Variants in MARCHF1 observed in about 807,000 individuals in gnomAD.
The protein encoded by MARCHF1 is E3 ubiquitin-protein ligase MARCHF1.
MARCHF1 carries 40 observed loss-of-function variants against 54.2 expected under a neutral mutation model. The observed-to-expected ratio is 0.74, with a 90% confidence interval of 0.57 to 0.96. The LOEUF (loss-of-function observed/expected upper bound fraction) is 0.96, where lower values mean the gene tolerates loss of function less well. Among genes scored for constraint, MARCHF1 ranks in the 40% least tolerant of loss-of-function variants. MARCHF1 has a pLI of 0.00. For synonymous variants in MARCHF1, 236 were observed against 236.3 expected (o/e 1.00, Z 0.01); for missense variants, 586 against 656.5 (o/e 0.89, Z 1.17).
chr4:163,914,091 G>GT (rs1553962999), intron 3 of MARCHF1, among the ~76,000 whole-genome samples: 81,961 of 151,728 alleles, frequency 0.54, 23,174 homozygotes, highest in Middle Eastern at 0.68. Context: ...GAAAAATTGT[G>GT]TTTTTTTCCA....
chr4:163,868,449 T>C (rs1209998732), intron 3 of MARCHF1, among the ~76,000 whole-genome samples: 1 of 151,964 alleles, frequency 6.6e-6, no homozygotes, highest in African/African-American at 2.4e-5. Context: ...ATAAGATATA[T>C]TGTGGAAAAT....
intron 6 of MARCHF1, 123 bp downstream of exon 6, chr4:163,613,191 C>A: frequency 7.9e-7 from 1 of 1,259,352 alleles, no homozygotes; most frequent in South Asian, 1.7e-5. Context: ...AAAAAATAGC[C>A]AGTATAAATT....
At chr4:164,182,385 A>T (rs149637600) in intron 1 of MARCHF1, among the ~76,000 whole-genome samples, 5 of 152,172 alleles carry the variant, frequency 3.3e-5, no homozygotes, top group African/African-American at 7.2e-5. Context: ...AAAAGCAAGA[A>T]TTGTACAGAA....
chr4:164,230,755 T>C (rs1391249611), intron 1 of MARCHF1, among the ~76,000 whole-genome samples: 6 of 152,164 alleles, frequency 3.9e-5, no homozygotes, highest in South Asian at 2.1e-4. Context: ...CTGAGTTGTT[T>C]TGAGTTACTA....
rs576160967 is a variant in MARCHF1, at chr4:163,832,761, T to C, written c.111+21260A>G. Among the ~76,000 whole-genome samples, 234 of 108,682 alleles carry C rather than the reference T, an allele frequency of 2.2e-3. 2 individuals are homozygous for C. Among genetic ancestry groups the C allele is most frequent in the African/African-American group, 7.9e-3 (226 of 28,440 alleles). 71.3% of individuals were successfully genotyped at this position (108,682 alleles called of 152,430 possible). A position where few individuals can be genotyped will look rare whatever the true frequency, so the allele number is the denominator to read the frequency against. On this transcript the variant is annotated intron_variant, in intron 4 of 9. Transcript: ENST00000514618. ...CCCCTCCCCCAACCCCACAACAGTCTCCAGTGTGTGATGTTCCCCTTCCTG... is the reference window on the plus strand; with the variant it reads ...CCCCTCCCCCAACCCCACAACAGTCCCCAGTGTGTGATGTTCCCCTTCCTG...
At chr4:163,677,663 T>G (rs999543147) in intron 5 of MARCHF1, among the ~76,000 whole-genome samples, 1 of 152,234 alleles carries the variant, frequency 6.6e-6, no homozygotes, top group South Asian at 2.1e-4. Context: ...CTTTACATCA[T>G]GTGATATTAT....
chr4:164,005,998 A>C (rs1753278394), intron 2 of MARCHF1, among the ~76,000 whole-genome samples: 1 of 152,222 alleles, frequency 6.6e-6, no homozygotes, highest in African/African-American at 2.4e-5. Context: ...ACAAGCTAAT[A>C]ATAGAAAACT....
At chr4:164,312,703 A>G (rs953991570) in intron 1 of MARCHF1, among the ~76,000 whole-genome samples, 1 of 152,218 alleles carries the variant, frequency 6.6e-6, no homozygotes, top group South Asian at 2.1e-4. Context: ...AGAAGTTCTT[A>G]GTCTCATATC....
At chr4:164,109,928 A>AAAAAAAAAAAAAAAAAAC (rs1755797981) in intron 2 of MARCHF1, among the ~76,000 whole-genome samples, 1 of 149,630 alleles carries the variant, frequency 6.7e-6, no homozygotes, top group African/African-American at 2.4e-5. Flanking sequence ...AAAAAAAAAA[A>AAAAAAAAAAAAAAAAAAC]AAAAAAAAGA....
intron 1 of MARCHF1, among the ~76,000 whole-genome samples, chr4:164,171,080 AT>A (rs1325082049): frequency 6.6e-6 from 1 of 152,316 alleles, no homozygotes; most frequent in East Asian, 1.9e-4. Flanking sequence ...TTAAATATTC[AT>A]TTTTTATCAT....
chr4:164,368,773 C>T (rs988855809), intron 1 of MARCHF1, among the ~76,000 whole-genome samples: 2 of 152,126 alleles, frequency 1.3e-5, no homozygotes, highest in Admixed American at 1.3e-4. Context: ...ATAAATATGA[C>T]TTCCACAGTA....
intron 5 of MARCHF1, among the ~76,000 whole-genome samples, chr4:163,628,209 A>C (rs1741940594): frequency 6.6e-6 from 1 of 152,248 alleles, no homozygotes; most frequent in African/African-American, 2.4e-5. Flanking sequence ...GTAATTCAAT[A>C]ATAAACAGAC....
intron 1 of MARCHF1, among the ~76,000 whole-genome samples, chr4:164,274,697 G>T (rs34849484): frequency 3.6e-4 from 15 of 41,592 alleles, no homozygotes; most frequent in South Asian, 2.0e-3. Context: ...TTTTTTTTTA[G>T]ACGGAGTCTC....
chr4:163,631,994 A>C (rs927367095), intron 5 of MARCHF1, among the ~76,000 whole-genome samples: 1 of 152,214 alleles, frequency 6.6e-6, no homozygotes, highest in African/African-American at 2.4e-5. Context: ...AAGATGTTGA[A>C]CATCACTAAT....
At chr4:163,840,754 T>C (rs1007626107) in intron 4 of MARCHF1, among the ~76,000 whole-genome samples, 6 of 152,034 alleles carry the variant, frequency 3.9e-5, no homozygotes, top group African/African-American at 1.2e-4. Flanking sequence ...TTGCTAAGAA[T>C]TGACCTTAAG....
At chr4:164,218,088 G>A (rs1037505622) in intron 1 of MARCHF1, among the ~76,000 whole-genome samples, 13 of 151,708 alleles carry the variant, frequency 8.6e-5, no homozygotes, top group South Asian at 2.1e-4. Flanking sequence ...TTTAGACAAC[G>A]TGCTAAATTT....
At chr4:163,974,867 G>A (rs1375529334) in intron 3 of MARCHF1, among the ~76,000 whole-genome samples, 1 of 152,110 alleles carries the variant, frequency 6.6e-6, no homozygotes, top group Non-Finnish European at 1.5e-5. Flanking sequence ...ACAATTAAAT[G>A]GGTAAACTGA....
At chr4:163,561,311 A>G (rs1739460338) in intron 8 of MARCHF1, among the ~76,000 whole-genome samples, 1 of 152,148 alleles carries the variant, frequency 6.6e-6, no homozygotes. Context: ...CCTTCTTCTA[A>G]AAGTATAATT....
chr4:164,286,353 C>T (rs1314394580), intron 1 of MARCHF1, among the ~76,000 whole-genome samples: 1 of 152,054 alleles, frequency 6.6e-6, no homozygotes, highest in East Asian at 1.9e-4. Flanking sequence ...ATTTTTAAAT[C>T]AATTCTCAAC....
Sources: allele counts gnomAD v4.1 joint callset (sites outside exome capture counted in the v4.1 genomes callset), GRCh38; gene constraint gnomAD v4.1.1; transcripts MANE v1.5; gene names NCBI Gene and HGNC (gene_info 2026-07-23, HGNC 2026-07-21).